SND1: variants seen among roughly 807,000 people sequenced by gnomAD.
SND1 encodes the protein staphylococcal nuclease and tudor domain containing 1.
A neutral mutation model predicts 121.7 loss-of-function variants in SND1; 38 were observed. The observed-to-expected ratio is 0.31, with a 90% CI of 0.24 to 0.41. The LOEUF (loss-of-function observed/expected upper bound fraction) is 0.41. Ranked by LOEUF, SND1 falls within the 10% of genes least tolerant of loss-of-function variation. SND1 has a pLI of 1.00. For missense variants in SND1, 868 were observed against 1,184.6 expected (o/e 0.73, Z 3.92); for synonymous variants, 401 against 447.4 (o/e 0.90, Z 1.31).
chr7:127,763,487 CG>C (rs1797342534), intron 10 of SND1, among the ~76,000 whole-genome samples: 1 of 152,018 alleles, frequency 6.6e-6, no homozygotes, highest in African/African-American at 2.4e-5. Flanking sequence ...GTTAGGACTA[CG>C]GGTGCACACT....
At chr7:127,697,196 G>A (rs547514292) in intron 3 of SND1, among the ~76,000 whole-genome samples, 11 of 152,134 alleles carry the variant, frequency 7.2e-5, no homozygotes, top group Non-Finnish European at 1.5e-4. Flanking sequence ...ATGTGACTTG[G>A]TCAAATTCAG....
intron 17 of SND1, among the ~76,000 whole-genome samples, chr7:128,078,267 G>A (rs931700839): frequency 6.6e-6 from 1 of 152,248 alleles, no homozygotes; most frequent in Admixed American, 6.5e-5. Context: ...CCAAGGAACA[G>A]CTGGTCACCT....
At chr7:128,030,047 G>C (rs1322298985) in intron 16 of SND1, 1 of 1,613,338 alleles carries the variant, frequency 6.2e-7, no homozygotes, top group Admixed American at 1.7e-5. Flanking sequence ...TCAGATACTT[G>C]AGGTTGAACA....
intron 13 of SND1, among the ~76,000 whole-genome samples, chr7:127,890,177 C>T (rs1158521206): frequency 1.3e-5 from 2 of 152,080 alleles, no homozygotes; most frequent in African/African-American, 4.8e-5. Flanking sequence ...TCTCCACATC[C>T]TTGCCAGAAT....
At chr7:127,992,629 C>G (rs1802546595) in intron 16 of SND1, among the ~76,000 whole-genome samples, 1 of 152,186 alleles carries the variant, frequency 6.6e-6, no homozygotes, top group African/African-American at 2.4e-5. Flanking sequence ...CATTTACTGT[C>G]TAAGTCAAAT....
rs528606664 is a variant in SND1 at position 127,701,676 on chromosome 7, C to T, written c.589+353C>T. On this transcript the variant is annotated intron_variant, in intron 5 of 23. Transcript: ENST00000354725. ...TATTCTGTATACATCTAAACAGATA[C>T]GGTCATGCTTCATTGGAGATTGGTT... Among the ~76,000 whole-genome samples the T allele has an allele frequency of 5.9e-5, 9 of 152,234 alleles. No individual in the cohort carries two copies. The South Asian group carries it at 6.2e-4, about 11-fold the overall frequency.
chr7:127,654,001 A>G (rs951133737), intron 1 of SND1, among the ~76,000 whole-genome samples: 2 of 152,244 alleles, frequency 1.3e-5, no homozygotes, highest in Admixed American at 6.5e-5. Context: ...AGGAACAAAA[A>G]CATCTCTTGG....
intron 14 of SND1, 62 bp from the exon 15 acceptor site, chr7:127,929,126 T>C: frequency 1.3e-6 from 2 of 1,565,896 alleles, no homozygotes; most frequent in African/African-American, 1.4e-5. Flanking sequence ...TCCTAGACTA[T>C]AAAGAAAGAA....
At chr7:127,704,019 T>C (rs1796148652) in intron 7 of SND1, among the ~76,000 whole-genome samples, 1 of 152,326 alleles carries the variant, frequency 6.6e-6, no homozygotes, top group South Asian at 2.1e-4. Context: ...AAAATTATGT[T>C]TTGTATTCCA....
At chr7:127,703,652 C>T (rs1160509130) in intron 7 of SND1, among the ~76,000 whole-genome samples, 3 of 152,092 alleles carry the variant, frequency 2.0e-5, no homozygotes, top group African/African-American at 7.2e-5. Flanking sequence ...GCGGAGGTTG[C>T]AGTGAGCCGA....
In SND1 at chr7:127,888,118, G is replaced by A. The variant is rs957996812; in HGVS notation, c.1454+106G>A. 8.7e-5 allele frequency: 55 copies of A among 630,574 alleles called. No individual in the cohort carries two copies. The African/African-American group carries it at 9.0e-4, about 10-fold the overall frequency. 39.1% of individuals were successfully genotyped at this position (630,574 alleles called of 1,614,324 possible). A position where few individuals can be genotyped will look rare whatever the true frequency, so the allele number is the denominator to read the frequency against. On this transcript the variant is annotated intron_variant, in intron 13 of 23. Transcript: ENST00000354725. ...AGAATGTGTTGGAAAATAATATGCT[G>A]AGAAAGCATGTATTATTATTCTAGA...
intron 11 of SND1, among the ~76,000 whole-genome samples, chr7:127,809,952 T>G (rs1438278514): frequency 6.6e-6 from 1 of 152,208 alleles, no homozygotes; most frequent in Non-Finnish European, 1.5e-5. Flanking sequence ...CCGGGACTAT[T>G]ACTTGCTTTC....
intron 10 of SND1, among the ~76,000 whole-genome samples, chr7:127,748,506 A>G (rs1410402797): frequency 6.6e-6 from 1 of 152,204 alleles, no homozygotes. Context: ...TAATAGTATG[A>G]GTGAGAATTG....
intron 10 of SND1, among the ~76,000 whole-genome samples, chr7:127,721,699 T>G (rs1238004233): frequency 6.6e-6 from 1 of 152,130 alleles, no homozygotes; most frequent in Non-Finnish European, 1.5e-5. Flanking sequence ...TGAGTTTAAT[T>G]AACAAGATCT....
chr7:127,769,313 TG>T (rs2116494190), intron 10 of SND1, among the ~76,000 whole-genome samples: 2 of 152,268 alleles, frequency 1.3e-5, no homozygotes, highest in South Asian at 4.1e-4. Flanking sequence ...ATCAGAAGCC[TG>T]GGCTGTCTGT....
chr7:127,777,474 TA>T (rs1266435378), intron 10 of SND1, among the ~76,000 whole-genome samples: 8 of 152,208 alleles, frequency 5.3e-5, no homozygotes, highest in Admixed American at 2.0e-4. Flanking sequence ...ACTTCCGTCT[TA>T]ATTGGATAAA....
intron 14 of SND1, among the ~76,000 whole-genome samples, chr7:127,909,540 C>T (rs1800412292): frequency 6.6e-6 from 1 of 151,854 alleles, no homozygotes; most frequent in Admixed American, 6.6e-5. Flanking sequence ...TCACTGTGGC[C>T]TTTCACTCCT....
Position 127,652,314 on chromosome 7 carries a change from C to G in SND1, c.-60C>G. 2 of 1,401,100 alleles carry G rather than the reference C, an allele frequency of 1.4e-6. No individual in the cohort carries two copies. The highest frequency in any genetic ancestry group is 2.5e-5 in the South Asian group (2 of 81,182). 86.8% of individuals were successfully genotyped at this position (1,401,100 alleles called of 1,614,324 possible). On this transcript the variant is annotated 5_prime_UTR_variant, in exon 1 of 24. Transcript: ENST00000354725. ...CGACTCCCTTTCACCAACACCGACA[C>G]CCACATTGACACCTCCAGTCCGGCC...
In SND1 at chr7:127,953,108, G is replaced by A. The variant is rs562214424; in HGVS notation, c.1669+23779G>A. 4.0e-5 allele frequency among the ~76,000 whole-genome samples: 6 copies of A among 151,600 alleles called. No individual in the cohort carries two copies. In the East Asian group the frequency reaches 1.2e-3, roughly 29 times the overall value. On this transcript the variant is annotated intron_variant, in intron 15 of 23. Transcript: ENST00000354725. ...GAGCCTGGGAGGTCGAGGCTACAGT[G>A]AGCCATGGTCACTCCACTGCACTCC...
Sources: gnomAD v4.1 joint callset for allele counts (sites outside exome capture counted in the v4.1 genomes callset) on GRCh38, gnomAD v4.1.1 for gene constraint, MANE v1.5 for transcripts, NCBI Gene and HGNC (gene_info 2026-07-23, HGNC 2026-07-21) for gene names.